The following ANKH variants were observed in gnomAD, a reference collection of about 807,000 sequenced individuals.
The protein encoded by ANKH is ANKH inorganic pyrophosphate transport regulator, also known as mineralization regulator ANKH.
In ANKH, 15 loss-of-function variants were observed where a neutral mutation model predicts 49.0. That is an observed-to-expected ratio of 0.31 (90% CI 0.20 to 0.47). ANKH has a LOEUF of 0.47. Among genes scored for constraint, ANKH ranks in the 20% least tolerant of loss-of-function variants. The pLI is 1.00. For synonymous variants in ANKH, 273 were observed against 260.0 expected (o/e 1.05, Z -0.48); for missense variants, 429 against 652.0 (o/e 0.66, Z 3.72).
chr5:14,791,117 T>C (rs1032319062), intron 1 of ANKH, among the ~76,000 whole-genome samples: 1 of 152,216 alleles, frequency 6.6e-6, no homozygotes, highest in Non-Finnish European at 1.5e-5. Context: ...TATTGGGACT[T>C]TGGCCTCTAA....
At chr5:14,856,709 C>T (rs766686614) in intron 1 of ANKH, among the ~76,000 whole-genome samples, 7 of 152,088 alleles carry the variant, frequency 4.6e-5, no homozygotes, top group East Asian at 1.9e-4. Context: ...GGAAAAAGAA[C>T]GTTTTCTCTT....
At chr5:14,758,431 A>G (rs2126494901) in intron 3 of ANKH, 49 bp downstream of exon 3, 6 of 1,379,004 alleles carry the variant, frequency 4.4e-6, no homozygotes, top group Non-Finnish European at 5.2e-6. Flanking sequence ...TGTATATTTT[A>G]CCACCAGTTA....
At chr5:14,865,059 G>A (rs1423154491) in intron 1 of ANKH, among the ~76,000 whole-genome samples, 1 of 152,260 alleles carries the variant, frequency 6.6e-6, no homozygotes, top group East Asian at 1.9e-4. Context: ...TCAGGAATTC[G>A]ACACCAGCCT....
At chr5:14,836,553 A>C (rs1741659804) in intron 1 of ANKH, among the ~76,000 whole-genome samples, 1 of 152,210 alleles carries the variant, frequency 6.6e-6, no homozygotes, top group Non-Finnish European at 1.5e-5. Flanking sequence ...TAGGAATCCA[A>C]CTTACAAGGG....
At chr5:14,785,302 A>C (rs1417536622) in intron 1 of ANKH, among the ~76,000 whole-genome samples, 1 of 152,120 alleles carries the variant, frequency 6.6e-6, no homozygotes, top group Non-Finnish European at 1.5e-5. Flanking sequence ...GCCTGGAGGG[A>C]GGTGAGAGGA....
At position 14,753,657 on chromosome 5, in the gene ANKH, T is replaced by C. The variant is rs142987524; in HGVS notation, c.516+2204A>G. On this transcript the variant is annotated intron_variant, in intron 4 of 11. Coordinates refer to ENST00000284268, the MANE Select transcript of ANKH (RefSeq NM_054027.6). ...GAACAAAACAAAAACAGCAATATGT[T>C]TCCACGAATCCCTTGGCAATGATTG... is the stretch of plus-strand genomic sequence containing the variant. Among the ~76,000 whole-genome samples, 206 of 152,290 alleles carry C rather than the reference T, an allele frequency of 1.4e-3. 3 individuals are homozygous for C. Among genetic ancestry groups the C allele is most frequent in the African/African-American group, 4.7e-3 (197 of 41,552 alleles).
chr5:14,779,762 T>C (rs1231563695), intron 1 of ANKH, among the ~76,000 whole-genome samples: 1 of 152,246 alleles, frequency 6.6e-6, no homozygotes, highest in African/African-American at 2.4e-5. Flanking sequence ...CCTATTCATG[T>C]AGTTCTGATC....
At chr5:14,786,446 G>A (rs1739979024) in intron 1 of ANKH, among the ~76,000 whole-genome samples, 1 of 152,160 alleles carries the variant, frequency 6.6e-6, no homozygotes. Flanking sequence ...GGCAAAATGA[G>A]TTTTAACTCC....
intron 1 of ANKH, among the ~76,000 whole-genome samples, chr5:14,848,261 G>A (rs539283763): frequency 3.1e-4 from 47 of 152,324 alleles, no homozygotes; most frequent in Admixed American, 2.8e-3. Context: ...CAATCAGGTA[G>A]TGAAGAGAGT....
At chr5:14,867,912 T>C (rs976751302) in intron 1 of ANKH, among the ~76,000 whole-genome samples, 1 of 151,888 alleles carries the variant, frequency 6.6e-6, no homozygotes, top group African/African-American at 2.4e-5. Flanking sequence ...ATTCAAACGC[T>C]CCCCCCACCA....
intron 1 of ANKH, among the ~76,000 whole-genome samples, chr5:14,830,818 T>C (rs893217944): frequency 1.3e-5 from 2 of 151,950 alleles, no homozygotes; most frequent in East Asian, 3.9e-4. Flanking sequence ...ACCCCCAACA[T>C]CTAGTCTGGT....
At chr5:14,856,650 T>A (rs1469104376) in intron 1 of ANKH, among the ~76,000 whole-genome samples, 3 of 138,060 alleles carry the variant, frequency 2.2e-5, no homozygotes, top group Non-Finnish European at 4.8e-5. Context: ...AGACTCGAAA[T>A]AACAAAACCA....
intron 1 of ANKH, among the ~76,000 whole-genome samples, chr5:14,781,909 G>A (rs1257828213): frequency 6.6e-6 from 1 of 152,104 alleles, no homozygotes; most frequent in Non-Finnish European, 1.5e-5. Context: ...TTTTGAAACA[G>A]CACCACCAAC....
chr5:14,817,109 T>C (rs1741061306), intron 1 of ANKH, among the ~76,000 whole-genome samples: 2 of 152,208 alleles, frequency 1.3e-5, no homozygotes, highest in African/African-American at 2.4e-5. Flanking sequence ...TTTTGCCAAA[T>C]AGACAGATGG....
chr5:14,857,664 A>C (rs1735321251), intron 1 of ANKH, among the ~76,000 whole-genome samples: 1 of 152,212 alleles, frequency 6.6e-6, no homozygotes, highest in Non-Finnish European at 1.5e-5. Flanking sequence ...AAAAAAAAGA[A>C]AAAGAAAAAA....
chr5:14,729,413 C>A (rs954677243), intron 8 of ANKH, among the ~76,000 whole-genome samples: 3 of 151,652 alleles, frequency 2.0e-5, no homozygotes, highest in African/African-American at 4.9e-5. Flanking sequence ...GTCTCGAACT[C>A]CTGACCTCAG....
intron 1 of ANKH, among the ~76,000 whole-genome samples, chr5:14,830,587 C>T (rs933495824): frequency 2.0e-5 from 3 of 151,658 alleles, no homozygotes; most frequent in Non-Finnish European, 4.4e-5. Flanking sequence ...AACAACACTG[C>T]TAACTTAGAA....
chr5:14,762,659 C>G (rs1739124871), intron 2 of ANKH, among the ~76,000 whole-genome samples: 1 of 150,834 alleles, frequency 6.6e-6, no homozygotes, highest in South Asian at 2.1e-4. Context: ...AAAATCCCAA[C>G]AACTGTTTTC....
At chr5:14,868,407 T>TA (rs1392060145) in intron 1 of ANKH, 1 of 151,198 alleles carries the variant, frequency 6.6e-6, no homozygotes, top group African/African-American at 2.4e-5. Flanking sequence ...CTTTTTTTTT[T>TA]TTTTTTTAGA....
Sources: gnomAD v4.1 joint callset for allele counts (sites outside exome capture counted in the v4.1 genomes callset) on GRCh38, gnomAD v4.1.1 for gene constraint, MANE v1.5 for transcripts, NCBI Gene and HGNC (gene_info 2026-07-23, HGNC 2026-07-21) for gene names.